Variants in SNX29 observed in about 807,000 individuals in gnomAD.
SNX29 encodes the protein sorting nexin 29, also known as sorting nexin-29.
Under a neutral mutation model 102.1 loss-of-function variants are expected in SNX29, and 78 were observed. The observed-to-expected ratio is 0.76, with a 90% CI of 0.64 to 0.92. SNX29 has a LOEUF of 0.92. SNX29 is among the 40% of genes least tolerant of loss of function. The probability of loss-of-function intolerance (pLI) is 0.00; values close to 1 mark genes in which losing one functional copy is unlikely to be tolerated. For missense variants in SNX29, 1,280 were observed against 1,061.7 expected, an observed-to-expected ratio of 1.21 and a Z score of -2.86; for synonymous variants, 580 against 414.5, an observed-to-expected ratio of 1.40 and a Z score of -4.85.
chr16:12,429,676 C>A (rs1165639822), intron 18 of SNX29, among the ~76,000 whole-genome samples: 1 of 152,222 alleles, frequency 6.6e-6, no homozygotes, highest in Non-Finnish European at 1.5e-5. Context: ...GCTGTCATAT[C>A]ATTTCTCTGA....
chr16:12,489,230 C>G (rs1383198946), intron 19 of SNX29, among the ~76,000 whole-genome samples: 2 of 151,050 alleles, frequency 1.3e-5, no homozygotes, highest in African/African-American at 4.9e-5. Context: ...CAGAAAAACA[C>G]AAAAAACAAA....
intron 13 of SNX29, chr16:12,135,488 A>T (rs2141459698): frequency 7.6e-7 from 1 of 1,310,320 alleles, no homozygotes; most frequent in African/African-American, 1.5e-5. Context: ...GTCTGATAAG[A>T]GCCAGTTACT....
intron 1 of SNX29, among the ~76,000 whole-genome samples, chr16:11,995,168 C>T (rs528829072): frequency 1.3e-5 from 2 of 152,180 alleles, no homozygotes; most frequent in Non-Finnish European, 2.9e-5. Context: ...CAGGTTCAAG[C>T]GATTCTCCTG....
chr16:12,436,465 C>T (rs2085543384), intron 18 of SNX29, among the ~76,000 whole-genome samples: 1 of 152,228 alleles, frequency 6.6e-6, no homozygotes, highest in African/African-American at 2.4e-5. Flanking sequence ...TGCTTTCCTC[C>T]CTGCCAGATG....
chr16:12,531,082 G>C (rs1212335259), intron 20 of SNX29, among the ~76,000 whole-genome samples: 1 of 152,218 alleles, frequency 6.6e-6, no homozygotes, highest in Non-Finnish European at 1.5e-5. Context: ...GAGGGTATGT[G>C]CATTTTAAAT....
chr16:12,130,301 C>T (rs1473377167), intron 13 of SNX29, among the ~76,000 whole-genome samples: 3 of 151,000 alleles, frequency 2.0e-5, no homozygotes, highest in Non-Finnish European at 1.5e-5. Context: ...ACGGTGAAAC[C>T]CCGTCTCTAC....
chr16:12,206,598 C>T (rs914250406), intron 14 of SNX29, among the ~76,000 whole-genome samples: 3 of 152,034 alleles, frequency 2.0e-5, no homozygotes, highest in Non-Finnish European at 2.9e-5. Context: ...AGGTGTTCTC[C>T]TTGGGCTGGC....
At chr16:12,485,464 G>T (rs1271190347) in intron 19 of SNX29, among the ~76,000 whole-genome samples, 1 of 152,172 alleles carries the variant, frequency 6.6e-6, no homozygotes, top group East Asian at 1.9e-4. Context: ...CAACTTGTTG[G>T]AGAAATTATG....
chr16:12,432,542 G>A (rs2085356336), intron 18 of SNX29, among the ~76,000 whole-genome samples: 1 of 152,190 alleles, frequency 6.6e-6, no homozygotes, highest in Non-Finnish European at 1.5e-5. Context: ...GGCATCCTAA[G>A]AAGGGGGATG....
intron 14 of SNX29, among the ~76,000 whole-genome samples, chr16:12,238,665 C>G (rs2078011431): frequency 6.6e-6 from 1 of 152,202 alleles, no homozygotes; most frequent in African/African-American, 2.4e-5. Flanking sequence ...GGACCGCAAA[C>G]CGCTGCATTG....
At chr16:12,072,241 G>C (rs1381257520) in intron 10 of SNX29, among the ~76,000 whole-genome samples, 1 of 152,172 alleles carries the variant, frequency 6.6e-6, no homozygotes, top group Admixed American at 6.5e-5. Flanking sequence ...TCCCTGTCTT[G>C]TGCCAGTTTT....
intron 20 of SNX29, among the ~76,000 whole-genome samples, chr16:12,530,321 C>T (rs963837180): frequency 2.6e-5 from 4 of 152,166 alleles, no homozygotes; most frequent in African/African-American, 7.2e-5. Context: ...CAGGGAGCCT[C>T]GGGGAAGGAG....
intron 14 of SNX29, among the ~76,000 whole-genome samples, chr16:12,221,429 T>G (rs2077474713): frequency 6.6e-6 from 1 of 152,088 alleles, no homozygotes; most frequent in South Asian, 2.1e-4. Context: ...AGCCTGGCCA[T>G]CATGGTAAAA....
chr16:12,462,885 G>C (rs370914375), intron 18 of SNX29, among the ~76,000 whole-genome samples: 1 of 152,164 alleles, frequency 6.6e-6, no homozygotes, highest in Non-Finnish European at 1.5e-5. Context: ...CAAATATCCA[G>C]ACTGCAACAT....
Position 12,495,047 on chromosome 16 carries a change from A to G in SNX29, c.2178+17188A>G, listed in dbSNP as rs771707026. On this transcript the variant is annotated intron_variant, in intron 19 of 20. Transcript: ENST00000566228. Reference sequence around the variant, plus strand: ...ACCTCATGTGACCCCTGAAGCCTTCAAGCTCTTTCTTGCCTCAGGACCTTT... The same window carrying G: ...ACCTCATGTGACCCCTGAAGCCTTCGAGCTCTTTCTTGCCTCAGGACCTTT... Among the ~76,000 whole-genome samples the G allele has an allele frequency of 5.9e-4, 90 of 152,262 alleles. 1 individual carries two copies. Among genetic ancestry groups the G allele is most frequent in the Admixed American group, 3.6e-3 (55 of 15,302 alleles).
Position 12,568,535 on chromosome 16 carries a change from A to AC in SNX29, c.2349dup (p.Ser784GlnfsTer29). 2 of 1,609,866 alleles carry AC rather than the reference A, an allele frequency of 1.2e-6. No individual in the cohort carries two copies. Among genetic ancestry groups the AC allele is most frequent in the Non-Finnish European group, 1.7e-6 (2 of 1,179,848 alleles). On this transcript the variant is annotated frameshift_variant, in exon 21 of 21. Coordinates refer to ENST00000566228, the MANE Select transcript of SNX29 (RefSeq NM_032167.5). LOFTEE classifies it high-confidence loss of function. ...ATCACCCCGCCCGGAGAGCCTGTGA[A>AC]CAGCCGGCCCAAAGCAGCTTCCCGC...
chr16:12,536,525 C>T (rs890779722), intron 20 of SNX29, among the ~76,000 whole-genome samples: 14 of 152,136 alleles, frequency 9.2e-5, no homozygotes, highest in African/African-American at 3.1e-4. Context: ...CTCTATTTTC[C>T]CCTCTGTAAA....
At chr16:12,434,010 G>T (rs1314450702) in intron 18 of SNX29, among the ~76,000 whole-genome samples, 4 of 152,174 alleles carry the variant, frequency 2.6e-5, no homozygotes, top group Non-Finnish European at 5.9e-5. Flanking sequence ...CTCACATGGG[G>T]CATCCTTCTT....
intron 19 of SNX29, among the ~76,000 whole-genome samples, chr16:12,486,674 C>G (rs1320291316): frequency 1.3e-5 from 2 of 152,188 alleles, no homozygotes; most frequent in Non-Finnish European, 2.9e-5. Flanking sequence ...CAGCCGTTGC[C>G]CATTTGATGG....
Sources: gnomAD v4.1 joint callset for allele counts (sites outside exome capture counted in the v4.1 genomes callset) on GRCh38, gnomAD v4.1.1 for gene constraint, MANE v1.5 for transcripts, NCBI Gene and HGNC (gene_info 2026-07-23, HGNC 2026-07-21) for gene names.